The following CALR3 variants were observed in gnomAD, a reference collection of about 807,000 sequenced individuals.
CALR3 encodes calreticulin 3.
Under a neutral mutation model 48.7 loss-of-function variants are expected in CALR3, and 39 were observed. The observed-to-expected ratio is 0.80, with a 90% CI of 0.62 to 1.05. The LOEUF (loss-of-function observed/expected upper bound fraction) is 1.05, where lower values mean the gene tolerates loss of function less well. Ranked by LOEUF, CALR3 falls within the 50% of genes least tolerant of loss-of-function variation. CALR3 has a pLI of 0.00. For missense variants in CALR3, 449 were observed against 474.7 expected, an observed-to-expected ratio of 0.95 and a Z score of 0.50; for synonymous variants, 185 against 172.7, an observed-to-expected ratio of 1.07 and a Z score of -0.56.
chr19:16,481,021 G>A (rs982846636), intron 7 of CALR3, among the ~76,000 whole-genome samples: 1 of 152,084 alleles, frequency 6.6e-6, no homozygotes, highest in African/African-American at 2.4e-5. Context: ...AGGTGTGGTC[G>A]TGCATGCCTG....
At chr19:16,488,747 C>T (rs2122139984) in intron 3 of CALR3, among the ~76,000 whole-genome samples, 1 of 152,290 alleles carries the variant, frequency 6.6e-6, no homozygotes, top group East Asian at 1.9e-4. Context: ...TTACACTATA[C>T]TTAGGTCTAT....
At chr19:16,485,651 A>G (rs536056506) in intron 3 of CALR3, among the ~76,000 whole-genome samples, 1 of 151,200 alleles carries the variant, frequency 6.6e-6, no homozygotes, top group Non-Finnish European at 1.5e-5. Context: ...TATTCACACT[A>G]AGATATTTAT....
At chr19:16,495,717 A>G (rs1327934456) in intron 2 of CALR3, 34 bp downstream of exon 2, 1 of 1,528,672 alleles carries the variant, frequency 6.5e-7, no homozygotes, top group African/African-American at 1.4e-5. Context: ...GAAATGTAAC[A>G]TTAGGCTCAA....
intron 4 of CALR3, among the ~76,000 whole-genome samples, 199 bp from the exon 5 acceptor site, chr19:16,484,314 A>C (rs930518209): frequency 3.3e-5 from 5 of 150,942 alleles, no homozygotes; most frequent in Admixed American, 1.3e-4. Context: ...AGAAGCTGGG[A>C]TTACAGGCAC....
intron 2 of CALR3, among the ~76,000 whole-genome samples, chr19:16,495,255 T>C: frequency 9.2e-6 from 1 of 109,012 alleles, no homozygotes; most frequent in Admixed American, 1.0e-4. Flanking sequence ...AAAAAAGGAA[T>C]CTTTGGCAAT....
At chr19:16,481,133 G>A (rs932021642) in intron 7 of CALR3, among the ~76,000 whole-genome samples, 2 of 151,824 alleles carry the variant, frequency 1.3e-5, no homozygotes. Flanking sequence ...CCGCCTGGGT[G>A]ACAGAGTGAG....
intron 3 of CALR3, among the ~76,000 whole-genome samples, chr19:16,487,750 G>C (rs1396622660): frequency 4.0e-5 from 6 of 151,548 alleles, no homozygotes; most frequent in Non-Finnish European, 5.9e-5. Flanking sequence ...TGATTCTCCT[G>C]CCTCAGCCTC....
rs538827532 is a variant in CALR3, at chr19:16,483,507, C to T, written c.678+423G>A. Among the ~76,000 whole-genome samples, 24 of 152,154 alleles carry T rather than the reference C, an allele frequency of 1.6e-4. No individual in the cohort carries two copies. In the South Asian group the frequency reaches 3.5e-3, roughly 22 times the overall value. On this transcript the variant is annotated intron_variant, in intron 5 of 8. Transcript: ENST00000269881. The stretch of plus-strand genomic sequence containing the variant: ...CCAAGGCAGGCAAATCACTTGAGGT[C>T]GGGAGTTCGAGACTAGCCTGGCCAA...
intron 8 of CALR3, among the ~76,000 whole-genome samples, chr19:16,480,344 G>A (rs768457879): frequency 2.6e-4 from 39 of 152,000 alleles, no homozygotes; most frequent in South Asian, 4.1e-4. Context: ...CTGAGGTCAG[G>A]ACTTCGAGAC....
At chr19:16,487,818 T>G (rs1310076552) in intron 3 of CALR3, among the ~76,000 whole-genome samples, 1 of 150,828 alleles carries the variant, frequency 6.6e-6, no homozygotes, top group Non-Finnish European at 1.5e-5. Context: ...TTTTCAATTT[T>G]TTTTTTTTTT....
chr19:16,495,884 G>C, intron 1 of CALR3, 32 bp from the exon 2 acceptor site: 1 of 1,599,278 alleles, frequency 6.3e-7, no homozygotes, highest in South Asian at 1.1e-5. Flanking sequence ...ACCGGTTAGA[G>C]GTGATAATGG....
intron 3 of CALR3, among the ~76,000 whole-genome samples, chr19:16,488,923 A>G (rs2093393386): frequency 1.3e-5 from 2 of 152,182 alleles, no homozygotes; most frequent in South Asian, 4.1e-4. Flanking sequence ...CTCTGTCATG[A>G]CAACTTAACT....
At chr19:16,489,179 T>C (rs1599720424) in intron 3 of CALR3, among the ~76,000 whole-genome samples, 1 of 152,264 alleles carries the variant, frequency 6.6e-6, no homozygotes, top group Non-Finnish European at 1.5e-5. Flanking sequence ...TACTGAGTAC[T>C]GAAGGATTCA....
At position 16,484,050 on chromosome 19, in the gene CALR3, A is replaced by G. The variant is rs1156904109; in HGVS notation, c.558T>C (p.Ile186=). 2 of 1,614,040 alleles carry G rather than the reference A, an allele frequency of 1.2e-6. No individual in the cohort carries two copies. Among genetic ancestry groups the G allele is most frequent in the South Asian group, 2.2e-5 (2 of 91,078 alleles). ...TGCCGGATTCAATTGACTGACCATC[A>G]ATTTTCACATCATAAGAAAGATCTG... The part of the protein sequence containing the change: ...LRPDLSYDVK[I]DGQSIESGSI... Residue 186 remains isoleucine (I), a synonymous_variant, in exon 5 of 9, where the codon ATT becomes ATC. Transcript: ENST00000269881.
Position 16,483,743 on chromosome 19 carries a change from A to C in CALR3, c.678+187T>G, listed in dbSNP as rs191107057. 2.1e-5 allele frequency: 13 copies of C among 608,828 alleles called. No homozygotes were observed. In the East Asian group the frequency reaches 3.6e-4, roughly 17 times the overall value. The allele number at this position is 608,828 out of a possible 1,614,324, so 37.7% of individuals were successfully genotyped here. ...CAAAAAATAAATAAATAAGTAAATA[A>C]ATAAATGTTTTACGATACCTTCAGA... On this transcript the variant is annotated intron_variant, in intron 5 of 8. Transcript: ENST00000269881.
chr19:16,484,166 T>G, intron 4 of CALR3, 51 bp from the exon 5 acceptor site: 1 of 1,258,922 alleles, frequency 7.9e-7, no homozygotes, highest in Non-Finnish European at 1.1e-6. Flanking sequence ...AATTTCTTTT[T>G]TCTTTTCTTT....
chr19:16,493,728 A>T lies in CALR3; in HGVS notation c.193+2023T>A, dbSNP rs1182180185. Among the ~76,000 whole-genome samples the T allele has an allele frequency of 1.0e-4, 15 of 146,384 alleles. No individual in the cohort carries two copies. In the East Asian group the frequency reaches 2.8e-3, roughly 27 times the overall value. Reference sequence around the variant, plus strand: ...CCATGCTCGGCTAATATTTGTATATATATATATTTTTTTTCTTGAGACAGA... The same window carrying T: ...CCATGCTCGGCTAATATTTGTATATTTATATATTTTTTTTCTTGAGACAGA... On this transcript the variant is annotated intron_variant, in intron 2 of 8. Transcript: ENST00000269881.
At chr19:16,486,378 T>C (rs965388265) in intron 3 of CALR3, among the ~76,000 whole-genome samples, 5 of 150,700 alleles carry the variant, frequency 3.3e-5, no homozygotes, top group African/African-American at 1.2e-4. Flanking sequence ...TCCCAGAACT[T>C]TGGGGGGCTG....
At chr19:16,480,746 T>C in intron 7 of CALR3, 40 bp from the exon 8 acceptor site, 2 of 1,307,390 alleles carry the variant, frequency 1.5e-6, no homozygotes, top group Non-Finnish European at 1.1e-6. Context: ...ATGCTTTTAT[T>C]CTTTATTATT....
Sources: gnomAD v4.1 joint callset for allele counts (sites outside exome capture counted in the v4.1 genomes callset) on GRCh38, gnomAD v4.1.1 for gene constraint, MANE v1.5 for transcripts, NCBI Gene and HGNC (gene_info 2026-07-23, HGNC 2026-07-21) for gene names.